Variants in CCNH observed in about 807,000 individuals in gnomAD.
CCNH encodes the protein cyclin H, also known as cyclin-H.
CCNH carries 31 observed loss-of-function variants against 41.9 expected under a neutral mutation model. That is an observed-to-expected ratio of 0.74 (90% CI 0.56 to 1.00). The LOEUF (loss-of-function observed/expected upper bound fraction) is 1.00. Among genes scored for constraint, CCNH ranks in the 50% least tolerant of loss-of-function variants. The pLI is 0.00. For synonymous variants in CCNH, 138 were observed against 136.1 expected (o/e 1.01, Z -0.10); for missense variants, 362 against 388.4 (o/e 0.93, Z 0.57).
At chr5:87,342,829 C>G (rs569728433) in intron 9 of CCNH, among the ~76,000 whole-genome samples, 2 of 152,130 alleles carry the variant, frequency 1.3e-5, no homozygotes, top group East Asian at 3.9e-4. Context: ...GACCATAAAT[C>G]TAGGTTTTTT....
rs1580356511 is a variant in CCNH, at chr5:87,363,370, T to C, written c.*90+29400A>G. The C allele has an allele frequency of 2.5e-6, 4 of 1,610,146 alleles. No homozygotes were observed. The highest frequency in any genetic ancestry group is 1.7e-6 in the Non-Finnish European group (2 of 1,177,372). On this transcript the variant is annotated intron_variant and NMD_transcript_variant, in intron 9 of 9. Transcript: ENST00000645953. The stretch of plus-strand genomic sequence containing the variant: ...CAGGCAAAGGAAAACGTTGGAAAAA[T>C]TTATATTTTATCTTAGAGGGTAGTG...
chr5:87,336,726 C>T (rs772930051), intron 9 of CCNH, among the ~76,000 whole-genome samples: 188 of 152,162 alleles, frequency 1.2e-3, no homozygotes, highest in Non-Finnish European at 1.7e-3. Flanking sequence ...CATGTGCACC[C>T]TCCTTTTACT....
chr5:87,372,191 G>A (rs1760998312), downstream of CCNH: 1 of 1,612,986 alleles, frequency 6.2e-7, no homozygotes, highest in Non-Finnish European at 8.5e-7. Flanking sequence ...AAACGCCTTC[G>A]TCAGGTGAAG....
intron 9 of CCNH, among the ~76,000 whole-genome samples, chr5:87,365,709 TTTAAA>T (rs1355969709): frequency 6.6e-6 from 1 of 152,002 alleles, no homozygotes; most frequent in Non-Finnish European, 1.5e-5. Flanking sequence ...AAAAAATAAT[TTTAAA>T]AAAATGTAAC....
intron 9 of CCNH, among the ~76,000 whole-genome samples, chr5:87,358,447 CTCT>C (rs1759819557): frequency 6.6e-6 from 1 of 152,134 alleles, no homozygotes; most frequent in African/African-American, 2.4e-5. Flanking sequence ...CTCAATTCTT[CTCT>C]TTTTTTCTTC....
At chr5:87,387,045 TA>T, downstream of CCNH, 1 of 717,360 alleles carries the variant, frequency 1.4e-6, no homozygotes, top group Non-Finnish European at 2.3e-6. Flanking sequence ...TCTGCCTTCC[TA>T]AACAAAAAAC....
chr5:87,348,796 T>C (rs1173052236), intron 9 of CCNH, among the ~76,000 whole-genome samples: 2 of 151,726 alleles, frequency 1.3e-5, no homozygotes, highest in African/African-American at 4.9e-5. Context: ...AAAACATTGA[T>C]TAAGCACAGA....
intron 9 of CCNH, among the ~76,000 whole-genome samples, chr5:87,359,321 A>G (rs1288782826): frequency 6.6e-6 from 1 of 152,172 alleles, no homozygotes; most frequent in African/African-American, 2.4e-5. Context: ...CTTGGGAGGA[A>G]TGTAAAAAAT....
At chr5:87,342,961 C>CT (rs1182024217) in intron 9 of CCNH, among the ~76,000 whole-genome samples, 1 of 152,120 alleles carries the variant, frequency 6.6e-6, no homozygotes, top group Non-Finnish European at 1.5e-5. Flanking sequence ...ACTCGGAAGT[C>CT]TTTTTATCTG....
intron 7 of CCNH, among the ~76,000 whole-genome samples, chr5:87,395,957 TA>T (rs1329357881): frequency 8.6e-5 from 13 of 151,938 alleles, no homozygotes; most frequent in African/African-American, 2.9e-4. Context: ...CATATATAAA[TA>T]ATATATCATA....
chr5:87,408,050 T>A lies in CCNH; in HGVS notation c.451A>T (p.Ile151Leu). ...EQILEYELLL[I>L]QQLNFHLIVH... ...ATAAGGTGGAAATTAAGTTGCTGTA[T>A]AAGAAGTAGTTCATATTCCAGTATC... Residue 151 changes from isoleucine (I) to leucine (L), a missense_variant, in exon 4 of 9, where the codon ATA becomes TTA. Coordinates refer to ENST00000256897, the MANE Select transcript of CCNH (RefSeq NM_001239.4). 1 of 1,613,742 alleles carries A rather than the reference T, an allele frequency of 6.2e-7. No individual in the cohort carries two copies. The highest frequency in any genetic ancestry group is 8.5e-7 in the Non-Finnish European group (1 of 1,179,670).
At chr5:87,367,275 C>G (rs1760596144) in intron 9 of CCNH, among the ~76,000 whole-genome samples, 1 of 152,022 alleles carries the variant, frequency 6.6e-6, no homozygotes, top group Non-Finnish European at 1.5e-5. Flanking sequence ...GATGCAAATA[C>G]CAGAGGACAA....
intron 9 of CCNH, among the ~76,000 whole-genome samples, chr5:87,342,449 G>C (rs1434912991): frequency 6.6e-6 from 1 of 152,174 alleles, no homozygotes; most frequent in Non-Finnish European, 1.5e-5. Context: ...ATGAGCCACT[G>C]TGCCCAGCTA....
At chr5:87,367,459 G>A (rs1384014105) in intron 9 of CCNH, among the ~76,000 whole-genome samples, 3 of 152,280 alleles carry the variant, frequency 2.0e-5, no homozygotes, top group South Asian at 4.1e-4. Flanking sequence ...TGATTAGTGC[G>A]CATGCTCAGC....
chr5:87,404,813 A>G, intron 5 of CCNH, 31 bp downstream of exon 5: 3 of 1,536,680 alleles, frequency 2.0e-6, no homozygotes, highest in Non-Finnish European at 2.6e-6. Flanking sequence ...CAGTGACTGA[A>G]TTTGACCTAA....
intron 9 of CCNH, chr5:87,362,701 T>C: frequency 6.3e-7 from 1 of 1,593,074 alleles, no homozygotes; most frequent in South Asian, 1.1e-5. Context: ...ATTAACCCAT[T>C]TGATAGAGAC....
At position 87,395,365 on chromosome 5, in the gene CCNH, T is replaced by C. The variant is rs1203885441; in HGVS notation, c.873-261A>G. On this transcript the variant is annotated intron_variant, in intron 7 of 8. Transcript: ENST00000256897. ...TCTAACACTGACCTAGGAAAGAGTGTGAAAAAATAGGAGCGAATATAAAAA... is the reference window on the plus strand; with the variant it reads ...TCTAACACTGACCTAGGAAAGAGTGCGAAAAAATAGGAGCGAATATAAAAA... 3.9e-5 allele frequency among the ~76,000 whole-genome samples: 6 copies of C among 152,024 alleles called. 1 individual carries two copies. Among genetic ancestry groups the C allele is most frequent in the Non-Finnish European group, 5.9e-5 (4 of 68,002 alleles).
chr5:87,400,615 C>A (rs139801619), intron 6 of CCNH, among the ~76,000 whole-genome samples: 11 of 152,270 alleles, frequency 7.2e-5, no homozygotes, highest in African/African-American at 2.6e-4. Context: ...AGCAGAGAAT[C>A]AGGAAATGAT....
upstream of CCNH, chr5:87,380,610 T>C (rs1243258367): frequency 3.1e-6 from 5 of 1,590,972 alleles, no homozygotes; most frequent in East Asian, 9.0e-5. Context: ...GGCTCATCAA[T>C]TGATTTGTTA....
Sources: gnomAD v4.1 joint callset for allele counts (sites outside exome capture counted in the v4.1 genomes callset) on GRCh38, gnomAD v4.1.1 for gene constraint, MANE v1.5 for transcripts, NCBI Gene and HGNC (gene_info 2026-07-23, HGNC 2026-07-21) for gene names.